The following ZBBX variants were observed in gnomAD, a reference collection of about 807,000 sequenced individuals.
ZBBX encodes the protein zinc finger B-box domain-containing protein 1.
A neutral mutation model predicts 108.5 loss-of-function variants in ZBBX; 101 were observed. That is an observed-to-expected ratio of 0.93 (90% CI 0.79 to 1.10). The LOEUF is 1.10. ZBBX is among the 50% of genes least tolerant of loss of function. ZBBX has a pLI of 0.00. For missense variants in ZBBX, 1,009 were observed against 941.4 expected, an observed-to-expected ratio of 1.07 and a Z score of -0.94; for synonymous variants, 356 against 323.4, an observed-to-expected ratio of 1.10 and a Z score of -1.08.
the ZBBX span, among the ~76,000 whole-genome samples, chr3:167,226,511 T>A: frequency 1.1e-4 from 17 of 151,816 alleles, no homozygotes; most frequent in Admixed American, 2.0e-4. Context: ...CTGTGAAGAA[T>A]ATTGTAGCAG....
At chr3:167,196,956 C>T in the ZBBX span, among the ~76,000 whole-genome samples, 6 of 152,098 alleles carry the variant, frequency 3.9e-5, no homozygotes, top group African/African-American at 7.2e-5. Flanking sequence ...AAAGGTTATA[C>T]GATTTCTACC....
At chr3:167,257,008 C>T (rs1237093871) in intron 20 of ZBBX, among the ~76,000 whole-genome samples, 1 of 152,058 alleles carries the variant, frequency 6.6e-6, no homozygotes. Context: ...ATTAATGGGT[C>T]GTATTGTAGC....
In ZBBX at chr3:167,327,982, A is replaced by G. The variant is rs770406052; in HGVS notation, c.822T>C (p.His274=). 2 of 1,611,464 alleles carry G rather than the reference A, an allele frequency of 1.2e-6. No homozygotes were observed. The highest frequency in any genetic ancestry group is 8.5e-7 in the Non-Finnish European group (1 of 1,179,564). Reference sequence around the variant, plus strand: ...GTAAATTCTGTTTCTTGTTGTCATCATGATTTCCGGTTCTCCATTGACTTA... The same window carrying G: ...GTAAATTCTGTTTCTTGTTGTCATCGTGATTTCCGGTTCTCCATTGACTTA... ...EVLSQWRTGN[H]DDNKKQNLHA... is the part of the protein sequence containing the mutation. The change falls in exon 11 of 22, where the codon CAT becomes CAC. Residue 274 remains histidine, a synonymous_variant. Coordinates refer to ENST00000675490, the MANE Select transcript of ZBBX (RefSeq NM_001199201.2).
intron 8 of ZBBX, among the ~76,000 whole-genome samples, chr3:167,355,782 T>C (rs1743471728): frequency 6.6e-6 from 1 of 152,066 alleles, no homozygotes; most frequent in African/African-American, 2.4e-5. Context: ...TGGGATATTC[T>C]TTTTATTCAA....
chr3:167,359,968 G>T lies in ZBBX; in HGVS notation c.334C>A (p.Pro112Thr). ...LKEQIQEPVKPTVNYKMANSS... is the reference protein window; with the variant it reads ...LKEQIQEPVKTTVNYKMANSS... ...TTTGCCATTTTATAATTAACTGTTGGTTTCACTGGCTCTGCAAGATAAAAA... is the reference window on the plus strand; with the variant it reads ...TTTGCCATTTTATAATTAACTGTTGTTTTCACTGGCTCTGCAAGATAAAAA... Residue 112 changes from proline to threonine, a missense_variant, in exon 8 of 22, where the codon CCA becomes ACA. Pro to Thr is a conservative substitution (Grantham distance 38). Coordinates refer to ENST00000675490, the MANE Select transcript of ZBBX (RefSeq NM_001199201.2). 1 of 1,579,716 alleles carries T rather than the reference G, an allele frequency of 6.3e-7. No homozygotes were observed. Among genetic ancestry groups the T allele is most frequent in the Non-Finnish European group, 8.6e-7 (1 of 1,158,520 alleles).
intron 16 of ZBBX, among the ~76,000 whole-genome samples, chr3:167,306,937 T>C (rs1169737137): frequency 6.6e-6 from 1 of 152,188 alleles, no homozygotes. Context: ...TACAAAGGAC[T>C]TGCTTGTTGC....
rs1737736397 is a variant in ZBBX at position 167,328,074 on chromosome 3, T to C, written c.730A>G (p.Arg244Gly). 1 of 1,613,940 alleles carries C rather than the reference T, an allele frequency of 6.2e-7. No individual in the cohort carries two copies. ...TMKRAQRTKP[R>G]KSLLCEGSFD... ...GACCCTTCACACAACAGACTCTTTC[T>C]TGGTTTTGTACGTTGTGCTCTTTTC... Residue 244 changes from arginine (R) to glycine (G), a missense_variant, in exon 11 of 22, where the codon AGA becomes GGA. Arg to Gly is a moderately radical substitution (Grantham distance 125). Coordinates refer to ENST00000675490, the MANE Select transcript of ZBBX (RefSeq NM_001199201.2).
chr3:167,249,956 TA>T (rs1722286151), intron 20 of ZBBX, among the ~76,000 whole-genome samples: 1 of 152,204 alleles, frequency 6.6e-6, no homozygotes, highest in South Asian at 2.1e-4. Context: ...GGACTAAGAC[TA>T]AGCCTCTCAA....
Position 167,322,164 on chromosome 3 carries a change from T to G in ZBBX, c.936A>C (p.Glu312Asp). The change falls in exon 12 of 22, where the codon GAA becomes GAC. Residue 312 changes from glutamate (E) to aspartate (D), a missense_variant. Physicochemically the swap from Glu to Asp is conservative, Grantham distance 45. Transcript: ENST00000675490. Reference sequence around the variant, plus strand: ...ATTTTTCCATATAGGATAGAATGTCTTCTTTAAGTTCAATATTAAGTGGTT... The same window carrying G: ...ATTTTTCCATATAGGATAGAATGTCGTCTTTAAGTTCAATATTAAGTGGTT... ...WREPLNIELK[E>D]DILSYMEKLW... 6.9e-7 allele frequency: 1 copy of G among 1,442,756 alleles called. No homozygotes were observed. The highest frequency in any genetic ancestry group is 9.2e-7 in the Non-Finnish European group (1 of 1,084,188). The allele number at this position is 1,442,756 out of a possible 1,614,324, so 89.4% of individuals were successfully genotyped here.
the ZBBX span, among the ~76,000 whole-genome samples, chr3:167,189,709 C>A: frequency 6.6e-6 from 1 of 152,260 alleles, no homozygotes. Context: ...TAACCCCATC[C>A]CAAGGGAATA....
rs180809997 is a variant in ZBBX at position 167,388,448 on chromosome 3, G to A, written c.-445-8043C>T. Among the ~76,000 whole-genome samples the A allele has an allele frequency of 7.9e-5, 12 of 151,902 alleles. No homozygotes were observed. In the East Asian group the frequency reaches 2.3e-3, roughly 30 times the overall value. On this transcript the variant is annotated intron_variant, in intron 1 of 21. Transcript: ENST00000455345. Reference sequence around the variant, plus strand: ...TTATAAGATAACATTGGCAACCAGAGGACATTGGCTATAGAGAGTTAAAGA... The same window carrying A: ...TTATAAGATAACATTGGCAACCAGAAGACATTGGCTATAGAGAGTTAAAGA...
chr3:167,205,651 A>C, the ZBBX span, among the ~76,000 whole-genome samples: 1 of 152,186 alleles, frequency 6.6e-6, no homozygotes, highest in South Asian at 2.1e-4. Context: ...GAGTGTCATG[A>C]CGTTCCTATT....
chr3:167,189,946 C>A, the ZBBX span, among the ~76,000 whole-genome samples: 497 of 152,274 alleles, frequency 3.3e-3, 4 homozygotes, highest in African/African-American at 0.011. Context: ...TTTGAAACCT[C>A]CTTTTTCACT....
intron 17 of ZBBX, among the ~76,000 whole-genome samples, chr3:167,301,081 A>G (rs1732588143): frequency 6.6e-6 from 1 of 151,996 alleles, no homozygotes; most frequent in Non-Finnish European, 1.5e-5. Flanking sequence ...CCTCCCACTC[A>G]TCACCCTCTG....
chr3:167,202,957 A>T, the ZBBX span, among the ~76,000 whole-genome samples: 2,026 of 152,256 alleles, frequency 0.013, 22 homozygotes, highest in South Asian at 0.026. Context: ...TTAAAGTGTG[A>T]TGCTTCCCCA....
intron 18 of ZBBX, among the ~76,000 whole-genome samples, chr3:167,290,540 C>A (rs1179558031): frequency 6.6e-6 from 1 of 152,014 alleles, no homozygotes; most frequent in Non-Finnish European, 1.5e-5. Flanking sequence ...ACTCAGAGAC[C>A]CCATCTGAAG....
chr3:167,254,192 T>C (rs1665574625), intron 20 of ZBBX, among the ~76,000 whole-genome samples: 1 of 152,168 alleles, frequency 6.6e-6, no homozygotes, highest in South Asian at 2.1e-4. Flanking sequence ...CACACTGACA[T>C]ATTTTTTTGT....
chr3:167,324,211 C>A (rs1209037921), intron 11 of ZBBX, among the ~76,000 whole-genome samples: 2 of 151,926 alleles, frequency 1.3e-5, no homozygotes, highest in East Asian at 3.9e-4. Flanking sequence ...GTGGCATGAT[C>A]ATAGCTCACT....
chr3:167,379,115 C>A (rs767148721), intron 2 of ZBBX, among the ~76,000 whole-genome samples: 1 of 152,012 alleles, frequency 6.6e-6, no homozygotes, highest in Non-Finnish European at 1.5e-5. Context: ...ACCTACCCTA[C>A]GGAAAAAATT....
Sources: gnomAD v4.1 joint callset for allele counts (sites outside exome capture counted in the v4.1 genomes callset) on GRCh38, gnomAD v4.1.1 for gene constraint, MANE v1.5 for transcripts, NCBI Gene and HGNC (gene_info 2026-07-23, HGNC 2026-07-21) for gene names.